CEP41: variants seen among roughly 807,000 people sequenced by gnomAD.
CEP41 encodes the protein centrosomal protein of 41 kDa.
A neutral mutation model predicts 44.3 loss-of-function variants in CEP41; 32 were observed. The ratio of observed to expected loss-of-function variants is 0.72; its 90% CI spans 0.54 to 0.97. The LOEUF (loss-of-function observed/expected upper bound fraction) is 0.97. CEP41 is among the 50% of genes least tolerant of loss of function. CEP41 has a pLI of 0.00. For synonymous variants in CEP41, 151 were observed against 168.5 expected (o/e 0.90, Z 0.80); for missense variants, 432 against 455.2 (o/e 0.95, Z 0.46).
At chr7:130,432,588 C>CAA (rs56874452) in intron 1 of CEP41, among the ~76,000 whole-genome samples, 1,186 of 56,626 alleles carry the variant, frequency 0.021, 9 homozygotes, top group African/African-American at 0.056. Flanking sequence ...TTTGTTTCCA[C>CAA]AAAAAAAAAA....
At chr7:130,432,290 G>A (rs138838527) in intron 1 of CEP41, among the ~76,000 whole-genome samples, 4 of 152,228 alleles carry the variant, frequency 2.6e-5, no homozygotes, top group Admixed American at 6.5e-5. Context: ...GGAAGAGACC[G>A]TTTCAAGAAA....
chr7:130,415,204 A>G (rs1365256225), intron 3 of CEP41, among the ~76,000 whole-genome samples: 1 of 152,250 alleles, frequency 6.6e-6, no homozygotes, highest in Non-Finnish European at 1.5e-5. Flanking sequence ...GACAAATCAA[A>G]GGAAGTAACA....
intron 2 of CEP41, among the ~76,000 whole-genome samples, chr7:130,425,645 C>T: frequency 6.6e-6 from 1 of 152,178 alleles, no homozygotes; most frequent in East Asian, 1.9e-4. Flanking sequence ...CAGTTGTACT[C>T]CTGAGCACTT....
intron 2 of CEP41, among the ~76,000 whole-genome samples, chr7:130,427,481 A>T (rs1179872721): frequency 6.6e-6 from 1 of 152,192 alleles, no homozygotes; most frequent in African/African-American, 2.4e-5. Context: ...TAAACTCTTT[A>T]ACTAAAAAAA....
Position 130,397,101 on chromosome 7 carries a change from G to C in CEP41, c.*1790C>G. ...CTTGTCCATGCTAGGGGAAAGCTGA[G>C]TGTGGAAAAATGTGCATTTTTCTAT... On this transcript the variant is annotated 3_prime_UTR_variant, in exon 11 of 11. Coordinates refer to ENST00000223208, the MANE Select transcript of CEP41 (RefSeq NM_018718.3). The C allele has an allele frequency of 2.2e-6, 1 of 454,514 alleles. No individual in the cohort carries two copies. Among genetic ancestry groups the C allele is most frequent in the Non-Finnish European group, 4.4e-6 (1 of 226,788 alleles). The allele number at this position is 454,514 out of a possible 1,614,324, so 28.2% of individuals were successfully genotyped here.
intron 1 of CEP41, among the ~76,000 whole-genome samples, chr7:130,437,851 C>T (rs1584912427): frequency 6.8e-6 from 1 of 146,784 alleles, no homozygotes; most frequent in East Asian, 2.0e-4. Flanking sequence ...GCCAAACTCA[C>T]TGGCAAATAA....
chr7:130,399,007 C>G lies in CEP41; in HGVS notation c.1006G>C (p.Glu336Gln). 6.2e-7 allele frequency: 1 copy of G among 1,614,168 alleles called. No homozygotes were observed. ...CTTCGGGCACCAGGCACCTTGGACT[C>G]TCTTCCGGAGGAGTTAGCTTGGTTC... is the stretch of plus-strand genomic sequence containing the variant. ...RLNQANSSGR[E>Q]SKVPGARSAQ... Residue 336 changes from glutamate to glutamine, a missense_variant, in exon 11 of 11, where the codon GAG (glutamate) becomes CAG (glutamine). Transcript: ENST00000223208.
chr7:130,426,855 A>G (rs1584899956), intron 2 of CEP41: 1 of 258,056 alleles, frequency 3.9e-6, no homozygotes, highest in East Asian at 1.4e-4. Context: ...TTGAACTCCG[A>G]ATAAATCACA....
At chr7:130,441,106 G>A (rs1344563363), upstream of CEP41, 1 of 962,692 alleles carries the variant, frequency 1.0e-6, no homozygotes, top group Non-Finnish European at 1.6e-6. Flanking sequence ...CGGCCAATGG[G>A]GGCCCCGTTT....
In CEP41 at chr7:130,402,808, G is replaced by C. The variant is rs1222608645; in HGVS notation, c.423-9C>G. On this transcript the variant is annotated splice_polypyrimidine_tract_variant and intron_variant, in intron 6 of 10. Coordinates refer to ENST00000223208, the MANE Select transcript of CEP41 (RefSeq NM_018718.3). ...CAACACCACTGATGACACTGCAAGT[G>C]AAAAAGTAGGTCAGCAGAAACTAGT... The C allele has an allele frequency of 6.2e-6, 10 of 1,613,970 alleles. No homozygotes were observed. Among genetic ancestry groups the C allele is most frequent in the Non-Finnish European group, 8.5e-6 (10 of 1,179,972 alleles).
chr7:130,399,350 G>A (rs1299101000), intron 10 of CEP41: 3 of 401,706 alleles, frequency 7.5e-6, no homozygotes, highest in Non-Finnish European at 9.2e-6. Flanking sequence ...GGAGTGATTT[G>A]GGGAAAGAAA....
chr7:130,397,405 G>C lies in CEP41; in HGVS notation c.*1486C>G, dbSNP rs1316243971. 2.2e-6 allele frequency: 1 copy of C among 448,704 alleles called. No individual in the cohort carries two copies. Among genetic ancestry groups the C allele is most frequent in the East Asian group, 7.0e-5 (1 of 14,312 alleles). 27.8% of individuals were successfully genotyped at this position (448,704 alleles called of 1,614,324 possible). A position where few individuals can be genotyped will look rare whatever the true frequency, so the allele number is the denominator to read the frequency against. ...AATAAACACACTCTAAAACAGAACT[G>C]GGCTGAATCTGAAAGTTATTTTTCC... On this transcript the variant is annotated 3_prime_UTR_variant, in exon 11 of 11. Coordinates refer to ENST00000223208, the MANE Select transcript of CEP41 (RefSeq NM_018718.3).
chr7:130,403,209 T>C (rs1443635378), intron 6 of CEP41, among the ~76,000 whole-genome samples: 1 of 152,256 alleles, frequency 6.6e-6, no homozygotes, highest in Non-Finnish European at 1.5e-5. Context: ...CATTTCTTTC[T>C]ACGTGTAAGT....
chr7:130,409,689 T>C (rs1797116031), intron 5 of CEP41, among the ~76,000 whole-genome samples: 1 of 152,228 alleles, frequency 6.6e-6, no homozygotes, highest in Non-Finnish European at 1.5e-5. Flanking sequence ...ACACACTGAT[T>C]GCTGGGTACT....
At chr7:130,417,034 G>C (rs1380739080) in intron 2 of CEP41, 68 bp from the exon 3 acceptor site, 4 of 1,384,512 alleles carry the variant, frequency 2.9e-6, no homozygotes, top group African/African-American at 1.4e-5. Context: ...TGTGGAAACA[G>C]AATGGAGGAA....
At position 130,439,715 on chromosome 7, in the gene CEP41, A is replaced by G. The variant is rs149705174; in HGVS notation, c.33+1219T>C. 4.8e-3 allele frequency among the ~76,000 whole-genome samples: 738 copies of G among 152,238 alleles called. 4 individuals are homozygous for G. The highest frequency in any genetic ancestry group is 0.017 in the African/African-American group (698 of 41,542). On this transcript the variant is annotated intron_variant, in intron 1 of 10. Transcript: ENST00000223208. Reference sequence around the variant, plus strand: ...CTCAGCCTAGTACCAGGCAGCCACCAAGAGATGAAACAGTTACAACTCCTA... The same window carrying G: ...CTCAGCCTAGTACCAGGCAGCCACCGAGAGATGAAACAGTTACAACTCCTA...
At chr7:130,438,099 T>A (rs1328691993) in intron 1 of CEP41, among the ~76,000 whole-genome samples, 3 of 152,160 alleles carry the variant, frequency 2.0e-5, no homozygotes, top group African/African-American at 7.2e-5. Context: ...ATATTCTTGA[T>A]CTCACTCATG....
At chr7:130,407,520 A>C (rs1354751262) in intron 5 of CEP41, among the ~76,000 whole-genome samples, 1 of 152,160 alleles carries the variant, frequency 6.6e-6, no homozygotes, top group Non-Finnish European at 1.5e-5. Context: ...AACCAGAACA[A>C]TGGAATATAA....
At position 130,398,029 on chromosome 7, in the gene CEP41, T is replaced by C. The variant is rs1486904766; in HGVS notation, c.*862A>G. 1 of 454,168 alleles carries C rather than the reference T, an allele frequency of 2.2e-6. No homozygotes were observed. Among genetic ancestry groups the C allele is most frequent in the African/African-American group, 2.0e-5 (1 of 50,018 alleles). The allele number at this position is 454,168 out of a possible 1,614,324, so 28.1% of individuals were successfully genotyped here. On this transcript the variant is annotated 3_prime_UTR_variant, in exon 11 of 11. Coordinates refer to ENST00000223208, the MANE Select transcript of CEP41 (RefSeq NM_018718.3). ...TCCAACCAAAGCTGGTATTTTCAAC[T>C]GGCCATAATTTCTGTCCATCTAACA...
Sources: allele counts gnomAD v4.1 joint callset (sites outside exome capture counted in the v4.1 genomes callset), GRCh38; gene constraint gnomAD v4.1.1; transcripts MANE v1.5; gene names NCBI Gene and HGNC (gene_info 2026-07-23, HGNC 2026-07-21).